The following C3orf22 variants were observed in gnomAD, a reference collection of about 807,000 sequenced individuals.
The protein encoded by C3orf22 is uncharacterized protein C3orf22.
Under a neutral mutation model 10.8 loss-of-function variants are expected in C3orf22, and 7 were observed. The observed-to-expected ratio is 0.65, with a 90% CI of 0.37 to 1.22. The LOEUF (loss-of-function observed/expected upper bound fraction) is 1.22. C3orf22 is among the 50% of genes most tolerant of loss of function. The pLI is 0.02. For missense variants in C3orf22, 173 were observed against 177.0 expected (o/e 0.98, Z 0.13); for synonymous variants, 79 against 78.9 (o/e 1.00, Z 0.00).
At position 126,552,240 on chromosome 3, in the gene C3orf22, G is replaced by A. The variant is rs1213771752; in HGVS notation, c.90-118C>T. 9.5e-6 allele frequency: 14 copies of A among 1,467,222 alleles called. No individual in the cohort carries two copies. In the Admixed American group the frequency reaches 2.9e-4, roughly 30 times the overall value. The allele number at this position is 1,467,222 out of a possible 1,614,324, so 90.9% of individuals were successfully genotyped here. On this transcript the variant is annotated intron_variant, in intron 2 of 3. Coordinates refer to ENST00000318225, the MANE Select transcript of C3orf22 (RefSeq NM_152533.3). ...TGTTCTAAGTGCTTCACAAATATTA[G>A]CCCATATGTCAGCTGACAAGCATGC...
chr3:126,533,662 G>A lies in C3orf22; in HGVS notation c.287-4290C>T, dbSNP rs144247846. On this transcript the variant is annotated intron_variant and NMD_transcript_variant, in intron 4 of 5. Coordinates refer to the C3orf22 transcript ENST00000505070. ...AGAACTTTGCACTTATATTCATAAG[G>A]GACATGGCTCTGTAGTTCCCTTTTC... Among the ~76,000 whole-genome samples the A allele has an allele frequency of 5.1e-3, 772 of 152,136 alleles. 6 individuals carry two copies. The highest frequency in any genetic ancestry group is 0.018 in the African/African-American group (747 of 41,506).
intron 3 of C3orf22, among the ~76,000 whole-genome samples, chr3:126,551,130 T>C (rs1039296120): frequency 4.6e-5 from 7 of 152,314 alleles, no homozygotes; most frequent in South Asian, 2.1e-4. Flanking sequence ...TGTGTGTGTG[T>C]GCGTGGCACT....
chr3:126,552,825 G>A (rs149137997), intron 2 of C3orf22, among the ~76,000 whole-genome samples: 5 of 152,364 alleles, frequency 3.3e-5, no homozygotes, highest in Non-Finnish European at 5.9e-5. Context: ...TGCGCCCCAG[G>A]CATTGCTGGC....
intron 1 of C3orf22, among the ~76,000 whole-genome samples, chr3:126,556,006 A>G (rs1230645050): frequency 6.6e-6 from 1 of 152,006 alleles, no homozygotes; most frequent in African/African-American, 2.4e-5. Flanking sequence ...GCCCCTCCAC[A>G]CCACACCCTG....
chr3:126,554,521 C>T (rs1367898187), intron 1 of C3orf22, among the ~76,000 whole-genome samples: 1 of 152,212 alleles, frequency 6.6e-6, no homozygotes, highest in Non-Finnish European at 1.5e-5. Flanking sequence ...GCCTCGGCCT[C>T]CCAAAGTGTT....
downstream of C3orf22, among the ~76,000 whole-genome samples, chr3:126,547,384 G>A (rs1004958962): frequency 6.6e-6 from 1 of 152,184 alleles, no homozygotes; most frequent in African/African-American, 2.4e-5. Context: ...CTTCTTTGCA[G>A]GAATAACATG....
chr3:126,544,670 A>T (rs1476490987), intron 4 of C3orf22, among the ~76,000 whole-genome samples: 1 of 152,188 alleles, frequency 6.6e-6, no homozygotes, highest in African/African-American at 2.4e-5. Flanking sequence ...GCTGAAACTG[A>T]CACCCATCTG....
intron 1 of C3orf22, among the ~76,000 whole-genome samples, chr3:126,558,392 A>G (rs1027974372): frequency 6.6e-6 from 1 of 152,082 alleles, no homozygotes; most frequent in Non-Finnish European, 1.5e-5. Flanking sequence ...GGGAGACAGG[A>G]GCGCCCCTCA....
chr3:126,542,534 C>T lies in C3orf22; in HGVS notation c.286+7003G>A, dbSNP rs746686745. 2.0e-6 allele frequency: 3 copies of T among 1,535,576 alleles called. No homozygotes were observed. The African/African-American group carries it at 4.3e-5, about 22-fold the overall frequency. ...CTTCGACCTCTACAAGATGGACTTC[C>T]TGCTTTTCAACTACTCCGCCCCCTC... On this transcript the variant is annotated intron_variant and NMD_transcript_variant, in intron 4 of 5. Transcript: ENST00000505070.
Position 126,550,056 on chromosome 3 carries a change from A to T in C3orf22, c.238T>A (p.Ser80Thr). ...VRGLGAPDFT[S>T]PSGSCPAPLP... Reference sequence around the variant, plus strand: ...GGTGCCGGGCAGGAGCCAGACGGTGATGTAAAATCTGGAGCCCCGAGCCTA... The same window carrying T: ...GGTGCCGGGCAGGAGCCAGACGGTGTTGTAAAATCTGGAGCCCCGAGCCTA... The change falls in exon 4 of 4, where the codon TCA becomes ACA. Residue 80 changes from serine to threonine, a missense_variant. By Grantham distance (58) the Ser-to-Thr change is moderately conservative. Coordinates refer to ENST00000318225, the MANE Select transcript of C3orf22 (RefSeq NM_152533.3). The T allele has an allele frequency of 6.2e-7, 1 of 1,613,852 alleles. No homozygotes were observed. Among genetic ancestry groups the T allele is most frequent in the Non-Finnish European group, 8.5e-7 (1 of 1,179,866 alleles).
At chr3:126,556,941 CACACTCAT>C (rs1389864940) in intron 1 of C3orf22, among the ~76,000 whole-genome samples, 1 of 151,798 alleles carries the variant, frequency 6.6e-6, no homozygotes, top group East Asian at 1.9e-4. Flanking sequence ...TACACACTCA[CACACTCAT>C]ACACACAGAC....
chr3:126,543,659 AGT>A (rs1376127200), intron 4 of C3orf22, among the ~76,000 whole-genome samples: 3 of 151,876 alleles, frequency 2.0e-5, no homozygotes, highest in Non-Finnish European at 4.4e-5. Flanking sequence ...AGTGTGCATG[AGT>A]GTGTGAGTAT....
intron 4 of C3orf22, among the ~76,000 whole-genome samples, chr3:126,544,115 C>T (rs1001045561): frequency 2.6e-5 from 4 of 152,218 alleles, no homozygotes; most frequent in African/African-American, 9.6e-5. Flanking sequence ...CCTCACGGAT[C>T]AATTAATCCA....
At chr3:126,536,046 G>T (rs72982014) in intron 4 of C3orf22, among the ~76,000 whole-genome samples, 1 of 152,062 alleles carries the variant, frequency 6.6e-6, no homozygotes, top group Non-Finnish European at 1.5e-5. Context: ...TGGAGGGTAG[G>T]ACATGGGAGC....
chr3:126,539,762 C>CAA (rs1936895662), intron 4 of C3orf22, among the ~76,000 whole-genome samples: 1 of 99,102 alleles, frequency 1.0e-5, no homozygotes, highest in Non-Finnish European at 2.1e-5. Context: ...ACACTCCACA[C>CAA]CACACACACA....
At chr3:126,536,501 C>T (rs1936793886) in intron 4 of C3orf22, 1 of 609,946 alleles carries the variant, frequency 1.6e-6, no homozygotes, top group African/African-American at 1.8e-5. Context: ...TGTCAGAGAG[C>T]AGTGACAAGG....
At chr3:126,529,381 G>A (rs774041213) in intron 4 of C3orf22, 16 of 1,289,290 alleles carry the variant, frequency 1.2e-5, no homozygotes, top group Non-Finnish European at 1.6e-5. Flanking sequence ...GCCTACGGAT[G>A]CCGCAAGGGG....
intron 1 of C3orf22, among the ~76,000 whole-genome samples, chr3:126,555,826 G>A (rs993746130): frequency 2.0e-5 from 3 of 152,190 alleles, no homozygotes; most frequent in African/African-American, 7.2e-5. Context: ...CCAGGGCTGT[G>A]CCAGCTTTGT....
chr3:126,527,580 G>T, exon 6 of C3orf22: 1 of 152,522 alleles, frequency 6.6e-6, no homozygotes, highest in Non-Finnish European at 1.5e-5. Context: ...GGCAGGAAGG[G>T]CTGGGAGGCT....
Sources: gnomAD v4.1 joint callset for allele counts (sites outside exome capture counted in the v4.1 genomes callset) on GRCh38, gnomAD v4.1.1 for gene constraint, MANE v1.5 for transcripts, NCBI Gene and HGNC (gene_info 2026-07-23, HGNC 2026-07-21) for gene names.